NELL1: variants seen among roughly 807,000 people sequenced by gnomAD.
The protein encoded by NELL1 is neural EGFL like 1, also known as protein kinase C-binding protein NELL1.
Under a neutral mutation model 107.4 loss-of-function variants are expected in NELL1, and 76 were observed. That is an observed-to-expected ratio of 0.71 (90% CI 0.59 to 0.86). The LOEUF (loss-of-function observed/expected upper bound fraction) is 0.86. Ranked by LOEUF, NELL1 falls within the 40% of genes least tolerant of loss-of-function variation. The pLI, the probability that NELL1 is intolerant of heterozygous loss-of-function variation, is 0.00. For synonymous variants in NELL1, 353 were observed against 341.2 expected, an observed-to-expected ratio of 1.03 and a Z score of -0.38; for missense variants, 1,024 against 1,005.5, an observed-to-expected ratio of 1.02 and a Z score of -0.25.
At chr11:21,198,221 T>G (rs923293250) in intron 13 of NELL1, among the ~76,000 whole-genome samples, 1 of 152,216 alleles carries the variant, frequency 6.6e-6, no homozygotes, top group African/African-American at 2.4e-5. Context: ...GTGTGGAAGC[T>G]GGGTTCTGAG....
At chr11:21,420,614 A>T (rs1852641068) in intron 15 of NELL1, among the ~76,000 whole-genome samples, 1 of 152,198 alleles carries the variant, frequency 6.6e-6, no homozygotes, top group African/African-American at 2.4e-5. Flanking sequence ...GGAAGACGGC[A>T]TGAAAATTTC....
intron 14 of NELL1, among the ~76,000 whole-genome samples, chr11:21,356,648 A>G (rs12791145): frequency 0.22 from 33,483 of 152,138 alleles, 4,737 homozygotes; most frequent in Non-Finnish European, 0.31. Context: ...GCTTGATAAT[A>G]TTTTACAATT....
At chr11:20,879,113 C>G (rs1168702171) in intron 4 of NELL1, among the ~76,000 whole-genome samples, 2 of 152,134 alleles carry the variant, frequency 1.3e-5, no homozygotes, top group Non-Finnish European at 2.9e-5. Flanking sequence ...CACACAACTT[C>G]AGGATGGATA....
intron 15 of NELL1, among the ~76,000 whole-genome samples, chr11:21,400,748 C>A (rs1590901242): frequency 6.6e-6 from 1 of 151,858 alleles, no homozygotes; most frequent in South Asian, 2.1e-4. Flanking sequence ...AATACGTCAC[C>A]CTTTGGCATA....
intron 15 of NELL1, among the ~76,000 whole-genome samples, chr11:21,409,279 T>C (rs1202584961): frequency 6.6e-6 from 1 of 152,048 alleles, no homozygotes; most frequent in Admixed American, 6.6e-5. Flanking sequence ...ATGTCCTTTG[T>C]AGGGACATGG....
chr11:21,283,991 C>T lies in NELL1; in HGVS notation c.1549+54537C>T, dbSNP rs1288477234. On this transcript the variant is annotated intron_variant, in intron 14 of 19. Transcript: ENST00000357134. ...AGATGGCACTGGGACTGAACTTATG[C>T]TGCCTGTCAAGATTATGTTCAGACA... The T allele has an allele frequency of 2.3e-5, 8 of 350,460 alleles. No homozygotes were observed. The Admixed American group carries it at 3.0e-4, about 13-fold the overall frequency. The allele number at this position is 350,460 out of a possible 1,614,324, so 21.7% of individuals were successfully genotyped here.
chr11:21,501,946 G>T (rs902142085), intron 15 of NELL1, among the ~76,000 whole-genome samples: 1 of 152,150 alleles, frequency 6.6e-6, no homozygotes, highest in Non-Finnish European at 1.5e-5. Context: ...CCTGGCCAAA[G>T]CTCATCTATA....
At chr11:21,200,178 A>G (rs4369404) in intron 13 of NELL1, among the ~76,000 whole-genome samples, 148,220 of 152,228 alleles carry the variant, frequency 0.97, 72,268 homozygotes, top group East Asian at 1. Flanking sequence ...GGATTGCTGG[A>G]TCAAATGGTA....
intron 14 of NELL1, among the ~76,000 whole-genome samples, chr11:21,337,750 TTCTTTC>T (rs1850445522): frequency 7.4e-6 from 1 of 134,850 alleles, no homozygotes; most frequent in African/African-American, 3.0e-5. Context: ...CTTTCTTTCT[TTCTTTC>T]TTTCTTTCTT....
In NELL1 at chr11:20,959,303, T is replaced by A. The variant is rs146291512; in HGVS notation, c.1172-1129T>A. On this transcript the variant is annotated intron_variant, in intron 11 of 19. Transcript: ENST00000357134. The stretch of plus-strand genomic sequence containing the variant: ...AAGTAGAACTAAAAGTAGAATTTGA[T>A]CCAGCATTCCCACTACTGGGTATCT... 4.3e-3 allele frequency among the ~76,000 whole-genome samples: 650 copies of A among 152,290 alleles called. 19 individuals carry two copies. The highest frequency in any genetic ancestry group is 0.033 in the Admixed American group (498 of 15,284).
chr11:20,683,808 G>T (rs1451747371), intron 2 of NELL1, among the ~76,000 whole-genome samples: 1 of 151,800 alleles, frequency 6.6e-6, no homozygotes, highest in Non-Finnish European at 1.5e-5. Context: ...CACTTATATT[G>T]TTTCCAACAA....
chr11:21,425,183 G>A (rs1354616778), intron 15 of NELL1, among the ~76,000 whole-genome samples: 5 of 152,088 alleles, frequency 3.3e-5, no homozygotes, highest in African/African-American at 1.2e-4. Flanking sequence ...CCAATCTACA[G>A]ATTCAAAGCA....
chr11:20,850,151 T>C (rs1157470163), intron 4 of NELL1, among the ~76,000 whole-genome samples: 3 of 152,198 alleles, frequency 2.0e-5, no homozygotes, highest in Non-Finnish European at 2.9e-5. Context: ...AAACAAACTT[T>C]ACCTTCTTCA....
chr11:21,435,252 ATCT>A (rs1189070555), intron 15 of NELL1, among the ~76,000 whole-genome samples: 30 of 151,958 alleles, frequency 2.0e-4, no homozygotes, highest in African/African-American at 7.0e-4. Flanking sequence ...TGGGCATTCT[ATCT>A]TCTTCCAGCA....
At chr11:21,369,601 G>T (rs1851312551) in intron 14 of NELL1, among the ~76,000 whole-genome samples, 1 of 151,940 alleles carries the variant, frequency 6.6e-6, no homozygotes, top group South Asian at 2.1e-4. Context: ...ACATCATGTG[G>T]CTTTTGAAGT....
intron 12 of NELL1, among the ~76,000 whole-genome samples, chr11:21,075,422 T>C (rs987712427): frequency 2.0e-5 from 3 of 152,160 alleles, no homozygotes; most frequent in Non-Finnish European, 4.4e-5. Context: ...AGGAGCTTCA[T>C]GCTTGAGGTA....
chr11:20,967,797 C>G (rs886073418), intron 12 of NELL1, among the ~76,000 whole-genome samples: 1 of 152,156 alleles, frequency 6.6e-6, no homozygotes, highest in East Asian at 1.9e-4. Flanking sequence ...ATGCTACTCT[C>G]CTGTTGAAAT....
At chr11:21,322,507 GAGTC>G (rs1230540526) in intron 14 of NELL1, among the ~76,000 whole-genome samples, 2 of 152,030 alleles carry the variant, frequency 1.3e-5, no homozygotes, top group African/African-American at 4.8e-5. Flanking sequence ...TTTACATTGT[GAGTC>G]AGTACAAAAG....
chr11:21,037,185 C>T (rs4569005), intron 12 of NELL1, among the ~76,000 whole-genome samples: 29,555 of 151,934 alleles, frequency 0.19, 3,361 homozygotes, highest in African/African-American at 0.32. Context: ...TATTGAGCTC[C>T]TGAAATGTGG....
Sources: gnomAD v4.1 joint callset for allele counts (sites outside exome capture counted in the v4.1 genomes callset) on GRCh38, gnomAD v4.1.1 for gene constraint, MANE v1.5 for transcripts, NCBI Gene and HGNC (gene_info 2026-07-23, HGNC 2026-07-21) for gene names.